The following MAGI2 variants were observed in gnomAD, a reference collection of about 807,000 sequenced individuals.
The protein encoded by MAGI2 is membrane-associated guanylate kinase, WW and PDZ domain-containing protein 2.
Under a neutral mutation model 133.3 loss-of-function variants are expected in MAGI2, and 35 were observed. The observed-to-expected ratio is 0.26, with a 90% CI of 0.20 to 0.35. The LOEUF (loss-of-function observed/expected upper bound fraction) is 0.35. Among genes scored for constraint, MAGI2 ranks in the 10% least tolerant of loss-of-function variants. The probability of loss-of-function intolerance (pLI) is 1.00; values close to 1 mark genes in which losing one functional copy is unlikely to be tolerated. For missense variants in MAGI2, 1,636 were observed against 1,863.4 expected (o/e 0.88, Z 2.25); for synonymous variants, 729 against 710.6 (o/e 1.03, Z -0.41).
chr7:79,028,329 A>G (rs1810211753), intron 1 of MAGI2, among the ~76,000 whole-genome samples: 1 of 28,314 alleles, frequency 3.5e-5, no homozygotes, highest in Admixed American at 2.9e-4. Context: ...ATATATATAC[A>G]TATATATACA....
At chr7:79,073,216 A>G (rs1668461242) in intron 1 of MAGI2, among the ~76,000 whole-genome samples, 1 of 152,198 alleles carries the variant, frequency 6.6e-6, no homozygotes, top group African/African-American at 2.4e-5. Context: ...GGAGTATACC[A>G]ATAAATTCAT....
At position 78,890,072 on chromosome 7, in the gene MAGI2, C is replaced by A. The variant is rs1434041326; in HGVS notation, c.418+117018G>T. ...ATGAAAACAAAAAAGGCAGTGGTTG[C>A]AATCCTAATCTCTGATAAAACAGAC... On this transcript the variant is annotated intron_variant, in intron 2 of 21. Transcript: ENST00000354212. Among the ~76,000 whole-genome samples, 5 of 152,112 alleles carry A rather than the reference C, an allele frequency of 3.3e-5. No homozygotes were observed. In the South Asian group the frequency reaches 8.3e-4, roughly 25 times the overall value.
intron 3 of MAGI2, among the ~76,000 whole-genome samples, chr7:78,527,245 C>G (rs1379448885): frequency 2.6e-5 from 4 of 152,094 alleles, no homozygotes; most frequent in Non-Finnish European, 4.4e-5. Context: ...CATTTTTAGG[C>G]AGACCTGTCC....
intron 1 of MAGI2, among the ~76,000 whole-genome samples, chr7:79,289,931 C>A (rs1836333536): frequency 6.6e-6 from 1 of 151,684 alleles, no homozygotes; most frequent in African/African-American, 2.4e-5. Flanking sequence ...GTTATAATTT[C>A]TCTTCATTTA....
intron 1 of MAGI2, among the ~76,000 whole-genome samples, chr7:79,167,411 A>C (rs1348719786): frequency 6.7e-6 from 1 of 150,192 alleles, no homozygotes; most frequent in Non-Finnish European, 1.5e-5. Flanking sequence ...AAAAAAAAAA[A>C]AAAAAAACTC....
intron 2 of MAGI2, among the ~76,000 whole-genome samples, chr7:78,704,446 G>A (rs556037036): frequency 6.6e-6 from 1 of 152,210 alleles, no homozygotes; most frequent in East Asian, 1.9e-4. Flanking sequence ...GGAGAAAAGG[G>A]AACACTTACA....
At chr7:78,483,182 T>C (rs1324104602) in intron 6 of MAGI2, among the ~76,000 whole-genome samples, 1 of 151,916 alleles carries the variant, frequency 6.6e-6, no homozygotes, top group Non-Finnish European at 1.5e-5. Context: ...TGTGAATTTA[T>C]AATTATTTCA....
At chr7:78,487,174 GAAAAAA>G in intron 6 of MAGI2, 6 of 173,484 alleles carry the variant, frequency 3.5e-5, no homozygotes, top group South Asian at 1.2e-4. Flanking sequence ...GCAGGATGGG[GAAAAAA>G]AAAAAAAAAA....
Position 79,300,995 on chromosome 7 carries a change from T to G in MAGI2, c.301+152025A>C, listed in dbSNP as rs145765455. ...TTCCATATGGTGTCAAGCCTGCGAGTGCACAGAGTGCAAGACTTGAGGCTT... is the reference window on the plus strand; with the variant it reads ...TTCCATATGGTGTCAAGCCTGCGAGGGCACAGAGTGCAAGACTTGAGGCTT... On this transcript the variant is annotated intron_variant, in intron 1 of 21. Transcript: ENST00000354212. 6.9e-3 allele frequency among the ~76,000 whole-genome samples: 1,050 copies of G among 152,330 alleles called. 7 individuals are homozygous for G. Among genetic ancestry groups the G allele is most frequent in the African/African-American group, 0.024 (982 of 41,580 alleles).
intron 6 of MAGI2, among the ~76,000 whole-genome samples, chr7:78,386,311 G>A (rs926735280): frequency 1.3e-5 from 2 of 152,076 alleles, no homozygotes; most frequent in African/African-American, 2.4e-5. Context: ...AGCATGCATC[G>A]CATTACTACT....
intron 18 of MAGI2, among the ~76,000 whole-genome samples, chr7:78,131,197 C>T (rs1001223363): frequency 1.3e-5 from 2 of 152,204 alleles, no homozygotes; most frequent in Non-Finnish European, 2.9e-5. Flanking sequence ...TGAGAGCAAA[C>T]CCATCTGGGG....
chr7:79,091,282 C>T (rs1457295792), intron 1 of MAGI2, among the ~76,000 whole-genome samples: 1 of 152,080 alleles, frequency 6.6e-6, no homozygotes, highest in African/African-American at 2.4e-5. Flanking sequence ...CAGTCTTCCC[C>T]TAAAAGAAAT....
At chr7:79,316,942 A>ATGTTCTT (rs1253163117) in intron 1 of MAGI2, among the ~76,000 whole-genome samples, 1 of 151,178 alleles carries the variant, frequency 6.6e-6, no homozygotes, top group African/African-American at 2.4e-5. Context: ...CCAGGAGCCC[A>ATGTTCTT]TGTTCTTTCT....
At chr7:78,693,466 C>T (rs749955795) in intron 2 of MAGI2, among the ~76,000 whole-genome samples, 3 of 152,124 alleles carry the variant, frequency 2.0e-5, no homozygotes, top group Non-Finnish European at 4.4e-5. Context: ...CAAAAAGTTT[C>T]AGAGCAAGAG....
At chr7:78,957,158 G>A (rs995279334) in intron 2 of MAGI2, among the ~76,000 whole-genome samples, 2 of 151,136 alleles carry the variant, frequency 1.3e-5, no homozygotes, top group African/African-American at 2.4e-5. Context: ...CAGCTACTTC[G>A]GGATGCTGAG....
intron 1 of MAGI2, among the ~76,000 whole-genome samples, chr7:79,290,660 T>A (rs1836401844): frequency 6.6e-6 from 1 of 152,026 alleles, no homozygotes; most frequent in South Asian, 2.1e-4. Flanking sequence ...TGTGATTTCT[T>A]CACACATTTA....
At chr7:79,278,190 T>A (rs953261309) in intron 1 of MAGI2, among the ~76,000 whole-genome samples, 1 of 152,098 alleles carries the variant, frequency 6.6e-6, no homozygotes, top group Non-Finnish European at 1.5e-5. Context: ...TGCTTAAAAG[T>A]GTGTAGCACC....
At chr7:79,262,496 T>G (rs551241209) in intron 1 of MAGI2, among the ~76,000 whole-genome samples, 1 of 152,340 alleles carries the variant, frequency 6.6e-6, no homozygotes, top group East Asian at 1.9e-4. Flanking sequence ...AAGAAATATT[T>G]TTGAGCTAAT....
intron 16 of MAGI2, among the ~76,000 whole-genome samples, chr7:78,156,727 G>A (rs1248892353): frequency 2.0e-5 from 3 of 151,134 alleles, no homozygotes; most frequent in African/African-American, 7.3e-5. Flanking sequence ...TGTTAACCAT[G>A]CCCTTTTCTT....
Sources: gnomAD v4.1 joint callset for allele counts (sites outside exome capture counted in the v4.1 genomes callset) on GRCh38, gnomAD v4.1.1 for gene constraint, MANE v1.5 for transcripts, NCBI Gene and HGNC (gene_info 2026-07-23, HGNC 2026-07-21) for gene names.